The following JADE1 variants were observed in gnomAD, a reference collection of about 807,000 sequenced individuals.
JADE1 encodes the protein jade family PHD finger 1.
JADE1 carries 14 observed loss-of-function variants against 81.8 expected under a neutral mutation model. That is an observed-to-expected ratio of 0.17 (90% CI 0.11 to 0.27). The LOEUF is 0.27. Ranked by LOEUF, JADE1 falls within the 10% of genes least tolerant of loss-of-function variation. JADE1 has a pLI of 1.00. For missense variants in JADE1, 690 were observed against 1,047.9 expected (o/e 0.66, Z 4.71); for synonymous variants, 353 against 391.9 (o/e 0.90, Z 1.17).
rs1337165756 is a variant in JADE1, at chr4:128,862,841, A to T, written c.1503+616A>T. On this transcript the variant is annotated intron_variant, in intron 9 of 10. Transcript: ENST00000226319. ...GCATGAGCTGTATGTACACATGCAT[A>T]TATCTGTTACAGAAGATACTCCTGG... is the stretch of plus-strand genomic sequence containing the variant. 11 of 990,314 alleles carry T rather than the reference A, an allele frequency of 1.1e-5. No individual in the cohort carries two copies. The African/African-American group carries it at 1.9e-4, about 17-fold the overall frequency. The allele number at this position is 990,314 out of a possible 1,614,324, so 61.3% of individuals were successfully genotyped here. A position where few individuals can be genotyped will look rare whatever the true frequency, so the allele number is the denominator to read the frequency against.
intron 1 of JADE1, among the ~76,000 whole-genome samples, chr4:128,816,031 C>T (rs1172382764): frequency 2.8e-5 from 4 of 142,580 alleles, no homozygotes; most frequent in African/African-American, 5.2e-5. Flanking sequence ...TTTTTTTAAA[C>T]ATGAAGGGTG....
intron 9 of JADE1, chr4:128,862,862 C>A: frequency 5.1e-6 from 5 of 988,654 alleles, no homozygotes; most frequent in Non-Finnish European, 6.0e-6. Context: ...AGAAGATACT[C>A]CTGGCAGTGA....
At chr4:128,825,871 C>G (rs1400590535) in intron 1 of JADE1, among the ~76,000 whole-genome samples, 3 of 152,156 alleles carry the variant, frequency 2.0e-5, no homozygotes, top group Non-Finnish European at 4.4e-5. Flanking sequence ...GTTTGCATTT[C>G]CTGAGGAGAT....
intron 9 of JADE1, among the ~76,000 whole-genome samples, chr4:128,866,441 C>T (rs1731786397): frequency 6.6e-6 from 1 of 152,236 alleles, no homozygotes; most frequent in South Asian, 2.1e-4. Flanking sequence ...AGCCTGTGTT[C>T]TGTCTCTCTT....
Position 128,873,274 on chromosome 4 carries a change from A to AAAAAAAGAAAAAAAAAAG in JADE1, c.*1027_*1044dup, listed in dbSNP as rs1732336520. On this transcript the variant is annotated 3_prime_UTR_variant, in exon 11 of 11. Coordinates refer to ENST00000226319, the MANE Select transcript of JADE1 (RefSeq NM_199320.4). Reference sequence around the variant, plus strand: ...GAAAAAGGAAAAAAAAAAAAAAAAGAAAAAAAGAAAAAAAAAAGAAAAAAG... The same window carrying AAAAAAAGAAAAAAAAAAG: ...GAAAAAGGAAAAAAAAAAAAAAAAGAAAAAAAGAAAAAAAAAAGAAAAAAGAAAAAAAAAAGAAAAAAG... 5 of 103,436 alleles carry AAAAAAAGAAAAAAAAAAG rather than the reference A, an allele frequency of 4.8e-5. No individual in the cohort carries two copies. The highest frequency in any genetic ancestry group is 2.2e-5 in the Non-Finnish European group (1 of 44,520). The allele number at this position is 103,436 out of a possible 1,614,324, so 6.4% of individuals were successfully genotyped here. A position where few individuals can be genotyped will look rare whatever the true frequency, so the allele number is the denominator to read the frequency against.
At chr4:128,844,644 T>C (rs572044640) in intron 3 of JADE1, among the ~76,000 whole-genome samples, 25 of 152,306 alleles carry the variant, frequency 1.6e-4, no homozygotes, top group Non-Finnish European at 2.9e-4. Flanking sequence ...ACTTTTCTCT[T>C]GGGGGCCAGG....
Position 128,861,898 on chromosome 4 carries a change from C to T in JADE1, c.1176C>T (p.Ser392=), listed in dbSNP as rs878888918. The T allele has an allele frequency of 3.1e-6, 5 of 1,613,948 alleles. No homozygotes were observed. Among genetic ancestry groups the T allele is most frequent in the Admixed American group, 1.7e-5 (1 of 59,998 alleles). The part of the protein sequence containing the change: ...AAQENGAPEC[S]PRNPLEPFAS... ...AGGAGAATGGGGCCCCTGAGTGTTCCCCCCGGAATCCGCTGGAGCCCTTTG... is the reference window on the plus strand; with the variant it reads ...AGGAGAATGGGGCCCCTGAGTGTTCTCCCCGGAATCCGCTGGAGCCCTTTG... The change falls in exon 9 of 11, where the codon TCC becomes TCT. Residue 392 remains serine, a synonymous_variant. Coordinates refer to ENST00000226319, the MANE Select transcript of JADE1 (RefSeq NM_199320.4).
At chr4:128,826,408 A>G (rs780867755) in intron 1 of JADE1, among the ~76,000 whole-genome samples, 1 of 151,734 alleles carries the variant, frequency 6.6e-6, no homozygotes, top group Admixed American at 6.6e-5. Context: ...CCCAGGCTGG[A>G]GTGCAGTGGC....
At chr4:128,823,776 G>C (rs1162980805) in intron 1 of JADE1, among the ~76,000 whole-genome samples, 1 of 152,184 alleles carries the variant, frequency 6.6e-6, no homozygotes, top group Non-Finnish European at 1.5e-5. Context: ...ATCTGTGTTT[G>C]AGTTATAGTC....
At chr4:128,826,434 T>G (rs958340756) in intron 1 of JADE1, among the ~76,000 whole-genome samples, 1 of 152,018 alleles carries the variant, frequency 6.6e-6, no homozygotes, top group Admixed American at 6.6e-5. Flanking sequence ...CTCAGCTCAC[T>G]GCAACCTCCA....
At chr4:128,832,514 T>G (rs1728639665) in intron 2 of JADE1, among the ~76,000 whole-genome samples, 1 of 152,244 alleles carries the variant, frequency 6.6e-6, no homozygotes, top group South Asian at 2.1e-4. Flanking sequence ...TGTTTTACAT[T>G]ACAAATTAAA....
At chr4:128,864,697 CAA>C in intron 9 of JADE1, 1 of 708,814 alleles carries the variant, frequency 1.4e-6, no homozygotes, top group Non-Finnish European at 1.7e-6. Context: ...AGCAGATCCT[CAA>C]AAATCATTTA....
At chr4:128,841,299 A>C (rs1312002958) in intron 2 of JADE1, among the ~76,000 whole-genome samples, 1 of 152,222 alleles carries the variant, frequency 6.6e-6, no homozygotes, top group African/African-American at 2.4e-5. Flanking sequence ...CAAATACTAC[A>C]TGTGGGTGTT....
intron 10 of JADE1, among the ~76,000 whole-genome samples, chr4:128,870,968 C>T (rs1237037351): frequency 6.6e-6 from 1 of 152,148 alleles, no homozygotes; most frequent in African/African-American, 2.4e-5. Context: ...AAGACTGGAC[C>T]GTGGAGGAGC....
At chr4:128,849,768 T>C (rs1579191942) in intron 5 of JADE1, among the ~76,000 whole-genome samples, 2 of 152,202 alleles carry the variant, frequency 1.3e-5, no homozygotes, top group East Asian at 3.9e-4. Context: ...TTTTAGCGTA[T>C]GTAGACGTTG....
chr4:128,838,989 T>A (rs1729207969), intron 2 of JADE1, among the ~76,000 whole-genome samples: 1 of 152,188 alleles, frequency 6.6e-6, no homozygotes, highest in Non-Finnish European at 1.5e-5. Flanking sequence ...ATGTCTTCTA[T>A]TAGGTGAAAC....
At chr4:128,831,904 C>T in intron 2 of JADE1, 94 bp downstream of exon 2, 1 of 1,120,288 alleles carries the variant, frequency 8.9e-7, no homozygotes. Flanking sequence ...TGCTGAGGCC[C>T]TTTGCATGTC....
chr4:128,813,438 A>C (rs1342764091), intron 1 of JADE1, among the ~76,000 whole-genome samples: 1 of 101,750 alleles, frequency 9.8e-6, no homozygotes, highest in Non-Finnish European at 2.1e-5. Context: ...GTTCCTTGAG[A>C]CAGAGTCTTT....
intron 3 of JADE1, among the ~76,000 whole-genome samples, chr4:128,844,333 C>G (rs1311399036): frequency 1.3e-5 from 2 of 152,156 alleles, no homozygotes; most frequent in Non-Finnish European, 2.9e-5. Context: ...TGGCTTTGTC[C>G]CAGCCCTACA....
Sources: allele counts gnomAD v4.1 joint callset (sites outside exome capture counted in the v4.1 genomes callset), GRCh38; gene constraint gnomAD v4.1.1; transcripts MANE v1.5; gene names NCBI Gene and HGNC (gene_info 2026-07-23, HGNC 2026-07-21).